The following BCAR3 variants were observed in gnomAD, a reference collection of about 807,000 sequenced individuals.
BCAR3 encodes the protein BCAR3 adaptor protein, NSP family member, also known as breast cancer anti-estrogen resistance protein 3.
BCAR3 carries 37 observed loss-of-function variants against 80.1 expected under a neutral mutation model. The observed-to-expected ratio is 0.46, with a 90% confidence interval of 0.36 to 0.61. The LOEUF (loss-of-function observed/expected upper bound fraction) is 0.61. Among genes scored for constraint, BCAR3 ranks in the 20% least tolerant of loss-of-function variants. BCAR3 has a pLI of 0.00. For synonymous variants in BCAR3, 389 were observed against 418.9 expected, an observed-to-expected ratio of 0.93 and a Z score of 0.87; for missense variants, 978 against 1,068.2, an observed-to-expected ratio of 0.92 and a Z score of 1.18.
At chr1:93,708,556 G>A (rs1649905699) in intron 2 of BCAR3, among the ~76,000 whole-genome samples, 1 of 152,164 alleles carries the variant, frequency 6.6e-6, no homozygotes. Flanking sequence ...CTCAGAAAAG[G>A]AGAAGATCTT....
At chr1:93,583,894 CT>C in intron 6 of BCAR3, 123 bp downstream of exon 6, 1 of 912,806 alleles carries the variant, frequency 1.1e-6, no homozygotes, top group East Asian at 2.5e-5. Context: ...ACCCATTCCC[CT>C]CCAGGCTGCA....
rs771455481 is a variant in BCAR3, at chr1:93,674,693, G to T, written c.238C>A (p.Arg80=). ...TCCTGGGTCACAGGCGAGTTCTGCC[G>T]TGGGGATTTGGAGTGGGGGAGGGTG... ...MGTLPHSKSP[R]QNSPVTQDGI... Residue 80 remains arginine, a synonymous_variant, in exon 2 of 12, where the codon CGG becomes AGG. Coordinates refer to ENST00000260502, the MANE Select transcript of BCAR3 (RefSeq NM_003567.4). The T allele has an allele frequency of 6.2e-7, 1 of 1,614,100 alleles. No individual in the cohort carries two copies. Among genetic ancestry groups the T allele is most frequent in the South Asian group, 1.1e-5 (1 of 91,060 alleles).
chr1:93,785,636 G>A, intron 2 of BCAR3, among the ~76,000 whole-genome samples: 1 of 152,182 alleles, frequency 6.6e-6, no homozygotes, highest in Non-Finnish European at 1.5e-5. Flanking sequence ...TAATTAACTA[G>A]TGAATATGCA....
At position 93,830,123 on chromosome 1, in the gene BCAR3, C is replaced by T. The variant is rs573482436; in HGVS notation, c.-63+15444G>A. On this transcript the variant is annotated intron_variant, in intron 2 of 13. Coordinates refer to the BCAR3 transcript ENST00000370244. The stretch of plus-strand genomic sequence containing the variant: ...GCAGATGCTAGCATCATGCTTCTTG[C>T]ACAGCCTGTGGAATCATGAGCCAAT... Among the ~76,000 whole-genome samples, 105 of 152,308 alleles carry T rather than the reference C, an allele frequency of 6.9e-4. 2 individuals are homozygous for T. Among genetic ancestry groups the T allele is most frequent in the African/African-American group, 2.4e-3 (101 of 41,564 alleles).
intron 2 of BCAR3, among the ~76,000 whole-genome samples, chr1:93,819,006 T>C (rs1654113463): frequency 6.6e-6 from 1 of 152,124 alleles, no homozygotes; most frequent in Admixed American, 6.5e-5. Flanking sequence ...ATGTTTGTTA[T>C]AATAATGTTG....
intron 2 of BCAR3, among the ~76,000 whole-genome samples, chr1:93,812,836 T>A (rs1653893377): frequency 6.6e-6 from 1 of 152,174 alleles, no homozygotes; most frequent in South Asian, 2.1e-4. Context: ...TCTACCCCCC[T>A]ATCCCAGGCC....
intron 9 of BCAR3, 38 bp downstream of exon 9, chr1:93,571,632 C>T (rs367642064): frequency 1.4e-4 from 233 of 1,608,194 alleles, no homozygotes; most frequent in Admixed American, 5.0e-4. Flanking sequence ...GATCTCTTTA[C>T]AGAACATTAA....
chr1:93,569,592 A>G (rs1028737119), intron 9 of BCAR3, among the ~76,000 whole-genome samples: 6 of 152,216 alleles, frequency 3.9e-5, no homozygotes, highest in African/African-American at 7.2e-5. Flanking sequence ...AGATGTGGCT[A>G]TAGTGTAAGG....
chr1:93,643,545 CAAAAAAAAA>C (rs547667389), intron 2 of BCAR3, among the ~76,000 whole-genome samples: 15 of 22,306 alleles, frequency 6.7e-4, no homozygotes, highest in East Asian at 3.2e-3. Flanking sequence ...GACTCTTTCT[CAAAAAAAAA>C]AAAAAAAAAA....
At chr1:93,847,209 C>T (rs932546793), upstream of BCAR3, 4 of 190,720 alleles carry the variant, frequency 2.1e-5, no homozygotes, top group South Asian at 1.6e-4. Flanking sequence ...GCTGGAGCGG[C>T]CGCCGGAGAG....
chr1:93,667,985 T>C (rs955924252), intron 2 of BCAR3, among the ~76,000 whole-genome samples: 2 of 152,160 alleles, frequency 1.3e-5, no homozygotes, highest in African/African-American at 2.4e-5. Flanking sequence ...GAGTAGTAAT[T>C]TATAACTGCA....
At chr1:93,611,391 G>A (rs1462811777) in intron 3 of BCAR3, among the ~76,000 whole-genome samples, 3 of 152,160 alleles carry the variant, frequency 2.0e-5, no homozygotes, top group Non-Finnish European at 4.4e-5. Flanking sequence ...GAATATGTCT[G>A]TTAATGTTAT....
chr1:93,785,046 T>A (rs1048666906), intron 2 of BCAR3, among the ~76,000 whole-genome samples: 2 of 152,198 alleles, frequency 1.3e-5, no homozygotes, highest in African/African-American at 4.8e-5. Flanking sequence ...GGGCTAGAAC[T>A]GGGCAGCTGG....
At chr1:93,575,720 T>A (rs1673427739) in intron 8 of BCAR3, among the ~76,000 whole-genome samples, 2 of 152,214 alleles carry the variant, frequency 1.3e-5, no homozygotes, top group African/African-American at 4.8e-5. Flanking sequence ...CTGTGACTCC[T>A]GCTCACACAG....
chr1:93,815,069 T>C (rs1430852592), intron 2 of BCAR3, among the ~76,000 whole-genome samples: 1 of 152,128 alleles, frequency 6.6e-6, no homozygotes, highest in African/African-American at 2.4e-5. Context: ...ATATACAACT[T>C]GCCCCCACAG....
At chr1:93,641,050 T>C (rs1316920032) in intron 3 of BCAR3, among the ~76,000 whole-genome samples, 1 of 152,210 alleles carries the variant, frequency 6.6e-6, no homozygotes, top group Non-Finnish European at 1.5e-5. Flanking sequence ...GGGACACAGA[T>C]ACATATTTAT....
At chr1:93,654,559 GA>G (rs561469123) in intron 2 of BCAR3, among the ~76,000 whole-genome samples, 47 of 152,336 alleles carry the variant, frequency 3.1e-4, no homozygotes, top group African/African-American at 1.1e-3. Flanking sequence ...CTGACCTACA[GA>G]AACCGTGAGG....
chr1:93,718,016 T>G (rs1650248939), intron 2 of BCAR3, among the ~76,000 whole-genome samples: 1 of 152,260 alleles, frequency 6.6e-6, no homozygotes, highest in Admixed American at 6.5e-5. Context: ...TCACTTCACT[T>G]GGTTGTTACT....
chr1:93,783,118 T>C (rs1652819878), intron 2 of BCAR3, among the ~76,000 whole-genome samples: 1 of 152,154 alleles, frequency 6.6e-6, no homozygotes, highest in Non-Finnish European at 1.5e-5. Flanking sequence ...ACCACTTGGG[T>C]AAACAATTTA....
Sources: gnomAD v4.1 joint callset for allele counts (sites outside exome capture counted in the v4.1 genomes callset) on GRCh38, gnomAD v4.1.1 for gene constraint, MANE v1.5 for transcripts, NCBI Gene and HGNC (gene_info 2026-07-23, HGNC 2026-07-21) for gene names.